Variants in SRXN1 observed in about 807,000 individuals in gnomAD.
SRXN1 encodes sulfiredoxin 1, also known as sulfiredoxin-1.
SRXN1 carries 11 observed loss-of-function variants against 11.0 expected under a neutral mutation model. The observed-to-expected ratio is 1.00, with a 90% CI of 0.63 to 1.65. The LOEUF (loss-of-function observed/expected upper bound fraction) is 1.65, where lower values mean the gene tolerates loss of function less well. Ranked by LOEUF, SRXN1 falls within the 40% of genes most tolerant of loss-of-function variation. SRXN1 has a pLI of 0.00. For missense variants in SRXN1, 211 were observed against 194.5 expected, an observed-to-expected ratio of 1.08 and a Z score of -0.50; for synonymous variants, 106 against 92.8, an observed-to-expected ratio of 1.14 and a Z score of -0.82.
chr20:650,166 G>T (rs1465912249), intron 1 of SRXN1, among the ~76,000 whole-genome samples: 1 of 152,202 alleles, frequency 6.6e-6, no homozygotes, highest in Non-Finnish European at 1.5e-5. Flanking sequence ...GTTGGCAACA[G>T]GGGAGGGTGA....
At chr20:649,681 G>A (rs1415348863) in intron 1 of SRXN1, among the ~76,000 whole-genome samples, 3 of 148,888 alleles carry the variant, frequency 2.0e-5, no homozygotes, top group Non-Finnish European at 4.4e-5. Context: ...CAGCCTCGGC[G>A]ATGGAACGAG....
intron 1 of SRXN1, among the ~76,000 whole-genome samples, chr20:649,195 G>C (rs559626556): frequency 6.6e-6 from 1 of 152,322 alleles, no homozygotes; most frequent in East Asian, 1.9e-4. Context: ...ACACTATCCA[G>C]CTGGCCCTGT....
At chr20:649,649 C>T (rs915068911) in intron 1 of SRXN1, among the ~76,000 whole-genome samples, 1 of 150,908 alleles carries the variant, frequency 6.6e-6, no homozygotes, top group African/African-American at 2.4e-5. Context: ...TTGCAGTGAG[C>T]TGAGATCGCA....
At chr20:651,629 A>G (rs1310734563) in intron 1 of SRXN1, among the ~76,000 whole-genome samples, 3 of 151,668 alleles carry the variant, frequency 2.0e-5, no homozygotes, top group African/African-American at 7.3e-5. Context: ...GGTTGCAGTG[A>G]GCCAAGATCG....
At chr20:652,899 G>A (rs1409220833) in intron 1 of SRXN1, 77 bp downstream of exon 1, 7 of 1,305,560 alleles carry the variant, frequency 5.4e-6, no homozygotes, top group East Asian at 6.3e-5. Context: ...CGCGTCCATC[G>A]CAGCGACCTC....
chr20:646,722 C>A lies in SRXN1; in HGVS notation c.*1992G>T, dbSNP rs112409244. ...CCTGTATACCCTTCACCCAGCCTAC[C>A]CCAAGGTCAACATCTTACATCACCA... On this transcript the variant is annotated 3_prime_UTR_variant, in exon 2 of 2. Transcript: ENST00000381962. The A allele has an allele frequency of 6.6e-6, 1 of 151,682 alleles. No homozygotes were observed. Among genetic ancestry groups the A allele is most frequent in the Non-Finnish European group, 1.5e-5 (1 of 67,960 alleles). 9.4% of individuals were successfully genotyped at this position (151,682 alleles called of 1,614,324 possible).
chr20:652,302 G>A (rs1045096465), intron 1 of SRXN1, among the ~76,000 whole-genome samples: 1 of 152,132 alleles, frequency 6.6e-6, no homozygotes, highest in Non-Finnish European at 1.5e-5. Flanking sequence ...AGGGTCGGGG[G>A]AAGGGGACAC....
chr20:653,140 G>C lies in SRXN1; in HGVS notation c.46C>G (p.Arg16Gly). The C allele has an allele frequency of 7.8e-7, 1 of 1,282,690 alleles. No homozygotes were observed. Among genetic ancestry groups the C allele is most frequent in the Non-Finnish European group, 9.8e-7 (1 of 1,020,596 alleles). 79.5% of individuals were successfully genotyped at this position (1,282,690 alleles called of 1,614,324 possible). A position where few individuals can be genotyped will look rare whatever the true frequency, so the allele number is the denominator to read the frequency against. ...GGCCCGGGCCCCTCGGGCGCCCCCC[G>C]ACCCGCGCCGGCCCTGCCCAGCGTT... ...GGTLGRAGAG[R>G]GAPEGPGPSG... Residue 16 changes from arginine to glycine, a missense_variant, in exon 1 of 2, where the codon CGG becomes GGG. By Grantham distance (125) the Arg-to-Gly change is moderately radical. Transcript: ENST00000381962.
At chr20:649,966 G>A (rs1035085942) in intron 1 of SRXN1, among the ~76,000 whole-genome samples, 4 of 152,216 alleles carry the variant, frequency 2.6e-5, no homozygotes, top group Non-Finnish European at 5.9e-5. Context: ...TGTATGACCT[G>A]AGGGAAGAAC....
Position 648,420 on chromosome 20 carries a change from T to G in SRXN1, c.*294A>C. On this transcript the variant is annotated 3_prime_UTR_variant, in exon 2 of 2. Transcript: ENST00000381962. ...AAAAATGCAGAGGGATCCTTGTCCT[T>G]GGGAATTTGGAGCCGGCAGCACGTG... 1 of 579,388 alleles carries G rather than the reference T, an allele frequency of 1.7e-6. No homozygotes were observed. The highest frequency in any genetic ancestry group is 3.3e-6 in the Non-Finnish European group (1 of 306,304). The allele number at this position is 579,388 out of a possible 1,614,324, so 35.9% of individuals were successfully genotyped here.
At position 648,864 on chromosome 20, in the gene SRXN1, C is replaced by A. The variant is rs200191461; in HGVS notation, c.264G>T (p.Gln88His). The change falls in exon 2 of 2, where the codon CAG (glutamine) becomes CAT (histidine). Residue 88 changes from glutamine (Q) to histidine (H), a missense_variant. Transcript: ENST00000381962. ...PIDVLWIKGA[Q>H]GGDYFYSFGG... The stretch of plus-strand genomic sequence containing the variant: ...CAAAGGAGTAGAAGTAGTCACCTCC[C>A]TGGGCCCCTTTGATCCAGAGGACAT... 1 of 1,614,206 alleles carries A rather than the reference C, an allele frequency of 6.2e-7. No individual in the cohort carries two copies.
At position 648,740 on chromosome 20, in the gene SRXN1, C is replaced by G; in HGVS notation, c.388G>C (p.Gly130Arg). 1 of 1,614,242 alleles carries G rather than the reference C, an allele frequency of 6.2e-7. No individual in the cohort carries two copies. The highest frequency in any genetic ancestry group is 1.1e-5 in the South Asian group (1 of 91,086). Reference protein sequence around the residue: ...STLSDLRVYLGASTPDLQ With the variant: ...STLSDLRVYLRASTPDLQ ...TACTGCAAGTCTGGTGTGGATGCTCCCAGGTACACCCTTAGGTCTGAGAGA... is the reference window on the plus strand; with the variant it reads ...TACTGCAAGTCTGGTGTGGATGCTCGCAGGTACACCCTTAGGTCTGAGAGA... The change falls in exon 2 of 2, where the codon GGA becomes CGA. Residue 130 changes from glycine (G) to arginine (R), a missense_variant. By Grantham distance (125) the Gly-to-Arg change is moderately radical. Transcript: ENST00000381962.
chr20:653,042 C>T lies in SRXN1; in HGVS notation c.144G>A (p.Val48=), dbSNP rs769918447. ...IAAVHNVPLS[V]LIRPLPSVLD... ...ACACGGACGGCAGCGGCCGGATGAG[C>T]ACGCTCAGCGGCACGTTGTGCACCG... The change falls in exon 1 of 2, where the codon GTG becomes GTA. Residue 48 remains valine (V), a synonymous_variant. Transcript: ENST00000381962. The T allele has an allele frequency of 4.6e-5, 72 of 1,566,382 alleles. No individual in the cohort carries two copies. The highest frequency in any genetic ancestry group is 5.9e-5 in the Non-Finnish European group (68 of 1,160,206).
At position 648,809 on chromosome 20, in the gene SRXN1, G is replaced by T; in HGVS notation, c.319C>A (p.Gln107Lys). 2 of 1,614,254 alleles carry T rather than the reference G, an allele frequency of 1.2e-6. No individual in the cohort carries two copies. Among genetic ancestry groups the T allele is most frequent in the Non-Finnish European group, 1.7e-6 (2 of 1,180,042 alleles). ...GGCHRYAAYQ[Q>K]LQRETIPAKL... The stretch of plus-strand genomic sequence containing the variant: ...GCGGGGATGGTCTCTCGCTGCAGTT[G>T]CTGGTAGGCCGCGTAGCGGTGGCAG... Residue 107 changes from glutamine to lysine, a missense_variant, in exon 2 of 2, where the codon CAA becomes AAA. Transcript: ENST00000381962.
At chr20:651,306 G>A (rs1983665495) in intron 1 of SRXN1, among the ~76,000 whole-genome samples, 3 of 152,172 alleles carry the variant, frequency 2.0e-5, no homozygotes, top group Non-Finnish European at 1.5e-5. Context: ...AACTTACAGT[G>A]GCCCCAGAAA....
In SRXN1 at chr20:653,081, C is replaced by G. The variant is rs774087050; in HGVS notation, c.105G>C (p.Ser35=). ...SGGAQGGSIH[S]GRIAAVHNVP... ...CGTTGTGCACCGCGGCGATGCGGCC[C>G]GAGTGGATGCTGCCGCCCTGCGCGC... Residue 35 remains serine (S), a synonymous_variant, in exon 1 of 2, where the codon TCG becomes TCC. Coordinates refer to ENST00000381962, the MANE Select transcript of SRXN1 (RefSeq NM_080725.3). The G allele has an allele frequency of 8.7e-6, 13 of 1,494,098 alleles. No individual in the cohort carries two copies. In the Admixed American group the frequency reaches 2.8e-4, roughly 32 times the overall value. The allele number at this position is 1,494,098 out of a possible 1,614,324, so 92.6% of individuals were successfully genotyped here.
rs1435266223 is a variant in SRXN1, at chr20:648,744, G to T, written c.384C>A (p.Tyr128Ter). The change falls in exon 2 of 2, where the codon TAC becomes TAA. Residue 128 changes from tyrosine (Y) to a stop codon, truncating the protein, a stop_gained. Coordinates refer to ENST00000381962, the MANE Select transcript of SRXN1 (RefSeq NM_080725.3). LOFTEE classifies it high-confidence loss of function. Reference protein sequence around the residue: ...VQSTLSDLRVYLGASTPDLQ With the variant: ...VQSTLSDLRV ...GCAAGTCTGGTGTGGATGCTCCCAG[G>T]TACACCCTTAGGTCTGAGAGAGTGG... The T allele has an allele frequency of 1.2e-6, 2 of 1,614,244 alleles. No individual in the cohort carries two copies. The highest frequency in any genetic ancestry group is 1.7e-5 in the Admixed American group (1 of 60,028).
chr20:650,164 CAG>C (rs1438155522), intron 1 of SRXN1, among the ~76,000 whole-genome samples: 1 of 152,076 alleles, frequency 6.6e-6, no homozygotes, highest in Admixed American at 6.6e-5. Context: ...GTGTTGGCAA[CAG>C]GGGAGGGTGA....
chr20:648,862 C>T lies in SRXN1; in HGVS notation c.266G>A (p.Gly89Glu), dbSNP rs376545832. Residue 89 changes from glycine (G) to glutamate (E), a missense_variant, in exon 2 of 2, where the codon GGA (glycine) becomes GAA (glutamate). Physicochemically the swap from Gly to Glu is moderately conservative, Grantham distance 98. Transcript: ENST00000381962. ...CCCAAAGGAGTAGAAGTAGTCACCT[C>T]CCTGGGCCCCTTTGATCCAGAGGAC... is the stretch of plus-strand genomic sequence containing the variant. ...IDVLWIKGAQ[G>E]GDYFYSFGGC... is the part of the protein sequence containing the mutation. 338 of 1,614,082 alleles carry T rather than the reference C, an allele frequency of 2.1e-4. No homozygotes were observed. The highest frequency in any genetic ancestry group is 2.8e-4 in the Non-Finnish European group (325 of 1,180,050).
Sources: gnomAD v4.1 joint callset for allele counts (sites outside exome capture counted in the v4.1 genomes callset) on GRCh38, gnomAD v4.1.1 for gene constraint, MANE v1.5 for transcripts, NCBI Gene and HGNC (gene_info 2026-07-23, HGNC 2026-07-21) for gene names.